ABCG2: variants seen among roughly 807,000 people sequenced by gnomAD.
ABCG2 encodes broad substrate specificity ATP-binding cassette transporter ABCG2.
Under a neutral mutation model 73.5 loss-of-function variants are expected in ABCG2, and 80 were observed. The observed-to-expected ratio is 1.09, with a 90% CI of 0.91 to 1.31. ABCG2 has a LOEUF of 1.31. Ranked by LOEUF, ABCG2 falls within the 50% of genes most tolerant of loss-of-function variation. The pLI, the probability that ABCG2 is intolerant of heterozygous loss-of-function variation, is 0.00. For synonymous variants in ABCG2, 269 were observed against 282.4 expected (o/e 0.95, Z 0.48); for missense variants, 796 against 786.2 (o/e 1.01, Z -0.15).
At chr4:88,197,257 A>T (rs1289005485) in intron 1 of ABCG2, among the ~76,000 whole-genome samples, 1 of 152,068 alleles carries the variant, frequency 6.6e-6, no homozygotes, top group Non-Finnish European at 1.5e-5. Flanking sequence ...AAAAAGCATT[A>T]GAACCAGACA....
chr4:88,222,423 C>T (rs542097957), intron 1 of ABCG2, among the ~76,000 whole-genome samples: 15 of 151,990 alleles, frequency 9.9e-5, no homozygotes, highest in Non-Finnish European at 1.9e-4. Flanking sequence ...AATCGTGGGC[C>T]GCTGTTCTCG....
At chr4:88,143,467 C>T (rs1725775733) in intron 1 of ABCG2, among the ~76,000 whole-genome samples, 2 of 152,144 alleles carry the variant, frequency 1.3e-5, no homozygotes, top group African/African-American at 4.8e-5. Flanking sequence ...TTTAAAGACA[C>T]TTTTGTGAGG....
At chr4:88,215,767 G>GA (rs1160111890) in intron 1 of ABCG2, among the ~76,000 whole-genome samples, 30 of 152,184 alleles carry the variant, frequency 2.0e-4, no homozygotes, top group African/African-American at 6.5e-4. Flanking sequence ...ATGGGGTCCT[G>GA]AAAAATCATT....
At chr4:88,110,253 G>A (rs1256276490) in intron 9 of ABCG2, among the ~76,000 whole-genome samples, 1 of 151,630 alleles carries the variant, frequency 6.6e-6, no homozygotes, top group East Asian at 1.9e-4. Context: ...TTTTAAGATA[G>A]GGTCTTGGCC....
chr4:88,159,375 C>A, upstream of ABCG2: 1 of 352,268 alleles, frequency 2.8e-6, no homozygotes, highest in Non-Finnish European at 5.6e-6. Context: ...CGCCCCAGGG[C>A]CTAAAAAAAT....
At chr4:88,125,428 G>A (rs1724326912) in intron 5 of ABCG2, among the ~76,000 whole-genome samples, 1 of 151,734 alleles carries the variant, frequency 6.6e-6, no homozygotes, top group Non-Finnish European at 1.5e-5. Flanking sequence ...CTAACGTGGT[G>A]AAATGCCATC....
At position 88,199,647 on chromosome 4, in the gene ABCG2, C is replaced by T. The variant is rs944009832; in HGVS notation, c.-20+31347G>A. Among the ~76,000 whole-genome samples the T allele has an allele frequency of 2.0e-5, 3 of 152,166 alleles. 1 individual carries two copies. Among genetic ancestry groups the T allele is most frequent in the Admixed American group, 6.5e-5 (1 of 15,274 alleles). ...AAATAGACTTTCTCAGACAAATAAA[C>T]GTCAGAGGAATTTGTTGTCAGTACA... On this transcript the variant is annotated intron_variant, in intron 1 of 15. Transcript: ENST00000515655.
intron 1 of ABCG2, among the ~76,000 whole-genome samples, chr4:88,205,844 G>A (rs936110869): frequency 1.3e-5 from 2 of 151,984 alleles, no homozygotes; most frequent in African/African-American, 4.8e-5. Context: ...CACCACACCC[G>A]ACTAATTTTT....
chr4:88,224,923 C>G (rs1007947252), intron 1 of ABCG2, among the ~76,000 whole-genome samples: 4 of 152,174 alleles, frequency 2.6e-5, no homozygotes, highest in African/African-American at 9.7e-5. Context: ...GTTTCCCCAG[C>G]ACCATTTATT....
intron 2 of ABCG2, among the ~76,000 whole-genome samples, chr4:88,133,391 A>G (rs1224180933): frequency 6.6e-6 from 1 of 152,240 alleles, no homozygotes; most frequent in African/African-American, 2.4e-5. Context: ...TCCATTTAGA[A>G]AAGTAAAAGA....
intron 1 of ABCG2, among the ~76,000 whole-genome samples, chr4:88,201,536 T>C (rs1230498267): frequency 1.3e-5 from 2 of 152,178 alleles, no homozygotes; most frequent in Non-Finnish European, 2.9e-5. Flanking sequence ...CCCAGATAGA[T>C]TCACTGGCAA....
intron 1 of ABCG2, among the ~76,000 whole-genome samples, chr4:88,144,455 T>C (rs1725841317): frequency 7.1e-6 from 1 of 141,336 alleles, no homozygotes; most frequent in South Asian, 2.4e-4. Context: ...TTTACTTTTT[T>C]TTTTTTTTTT....
Position 88,094,618 on chromosome 4 carries a change from T to C in ABCG2, c.1779A>G (p.Pro593=). The change falls in exon 15 of 16, where the codon CCA becomes CCG. Residue 593 remains proline (P), a synonymous_variant. Coordinates refer to ENST00000237612, the MANE Select transcript of ABCG2 (RefSeq NM_004827.3). ...GATTGTTTCCTGTTGCATTGAGTCC[T>C]GGGCAGAAGTTTTGTCCCAAAAATT... ...HNEFLGQNFC[P]GLNATGNNPC... The C allele has an allele frequency of 6.2e-7, 1 of 1,614,144 alleles. No individual in the cohort carries two copies. The highest frequency in any genetic ancestry group is 8.5e-7 in the Non-Finnish European group (1 of 1,179,956).
chr4:88,115,007 A>G lies in ABCG2; in HGVS notation c.893T>C (p.Ile298Thr). Residue 298 changes from isoleucine to threonine, a missense_variant, in exon 8 of 16, where the codon ATT (isoleucine) becomes ACT (threonine). Coordinates refer to ENST00000237612, the MANE Select transcript of ABCG2 (RefSeq NM_004827.3). ...NNPADFFLDI[I>T]NGDSTAVALN... ...TGCCACAGCAGTGGAATCTCCATTA[A>G]TGATGTCCAAGAAGAAGTCTGCAGG... 6.2e-7 allele frequency: 1 copy of G among 1,613,350 alleles called. No individual in the cohort carries two copies. Among genetic ancestry groups the G allele is most frequent in the Non-Finnish European group, 8.5e-7 (1 of 1,179,570 alleles).
rs1039255417 is a variant in ABCG2, at chr4:88,194,506, G to C, written c.-20+36488C>G. Among the ~76,000 whole-genome samples, 12 of 134,962 alleles carry C rather than the reference G, an allele frequency of 8.9e-5. No homozygotes were observed. In the South Asian group the frequency reaches 1.6e-3, roughly 18 times the overall value. 88.5% of individuals were successfully genotyped at this position (134,962 alleles called of 152,430 possible). On this transcript the variant is annotated intron_variant, in intron 1 of 15. Transcript: ENST00000515655. ...CGGAGCTTGCAGTGAGCCGAGATCT[G>C]GCCACTGCACTCCAGCCTGGGCGAC...
chr4:88,225,693 T>C (rs1306299936), intron 1 of ABCG2, among the ~76,000 whole-genome samples: 3 of 152,190 alleles, frequency 2.0e-5, no homozygotes, highest in African/African-American at 7.2e-5. Flanking sequence ...ATGGGATCTC[T>C]GCTCAGTGCT....
chr4:88,114,890 C>T (rs1180702211), intron 8 of ABCG2, 67 bp downstream of exon 8: 3 of 1,020,732 alleles, frequency 2.9e-6, no homozygotes, highest in Non-Finnish European at 4.5e-6. Context: ...TTTAATTAGC[C>T]ACCACATTGC....
At chr4:88,218,618 C>G (rs982723851) in intron 1 of ABCG2, among the ~76,000 whole-genome samples, 1 of 152,074 alleles carries the variant, frequency 6.6e-6, no homozygotes, top group African/African-American at 2.4e-5. Flanking sequence ...TCCCCTGAGT[C>G]CCCAAAGTCC....
At chr4:88,160,867 A>C (rs1187710398), upstream of ABCG2, among the ~76,000 whole-genome samples, 2 of 151,052 alleles carry the variant, frequency 1.3e-5, no homozygotes. Context: ...AAAAAAAAAA[A>C]AAAAACCTAT....
Sources: allele counts gnomAD v4.1 joint callset (sites outside exome capture counted in the v4.1 genomes callset), GRCh38; gene constraint gnomAD v4.1.1; transcripts MANE v1.5; gene names NCBI Gene and HGNC (gene_info 2026-07-23, HGNC 2026-07-21).